Variants in CTIF observed in about 807,000 individuals in gnomAD.
CTIF encodes cap binding complex dependent translation initiation factor, also known as CBP80/20-dependent translation initiation factor.
In CTIF, 21 loss-of-function variants were observed where a neutral mutation model predicts 66.0. That is an observed-to-expected ratio of 0.32 (90% CI 0.23 to 0.46). CTIF has a LOEUF of 0.46. Among genes scored for constraint, CTIF ranks in the 20% least tolerant of loss-of-function variants. The probability of loss-of-function intolerance (pLI) is 1.00; values close to 1 mark genes in which losing one functional copy is unlikely to be tolerated. For synonymous variants in CTIF, 345 were observed against 326.4 expected (o/e 1.06, Z -0.62); for missense variants, 739 against 812.7 (o/e 0.91, Z 1.10).
rs138189349 is a variant in CTIF at position 48,666,812 on chromosome 18, G to C, written c.431+2261G>C. On this transcript the variant is annotated intron_variant, in intron 5 of 11. Coordinates refer to ENST00000256413, the MANE Select transcript of CTIF (RefSeq NM_014772.3). ...ACTCATTCAGTTGCAGGGAGGCCAT[G>C]CTCCTTCCAGACTGCTGAGCTGCAC... Among the ~76,000 whole-genome samples the C allele has an allele frequency of 2.9e-3, 442 of 152,322 alleles. 1 individual carries two copies. Among genetic ancestry groups the C allele is most frequent in the Non-Finnish European group, 4.2e-3 (284 of 68,034 alleles).
intron 2 of CTIF, among the ~76,000 whole-genome samples, chr18:48,633,025 G>C (rs1474078333): frequency 3.1e-5 from 1 of 32,202 alleles, no homozygotes; most frequent in Non-Finnish European, 1.4e-4. Context: ...TCTGATTTGT[G>C]CGTGCCCATC....
At chr18:48,654,729 G>A (rs1048878236) in intron 3 of CTIF, among the ~76,000 whole-genome samples, 30 of 152,326 alleles carry the variant, frequency 2.0e-4, no homozygotes, top group Middle Eastern at 3.4e-3. Context: ...CAACCCAAAT[G>A]TCTACCAGTG....
intron 10 of CTIF, among the ~76,000 whole-genome samples, chr18:48,828,248 A>G (rs1236156077): frequency 1.3e-5 from 2 of 152,220 alleles, no homozygotes; most frequent in East Asian, 3.8e-4. Flanking sequence ...AGAGATTTCT[A>G]AACCAATCTC....
At chr18:48,716,618 C>T (rs1455637085) in intron 7 of CTIF, among the ~76,000 whole-genome samples, 2 of 152,080 alleles carry the variant, frequency 1.3e-5, no homozygotes, top group South Asian at 2.1e-4. Flanking sequence ...GTGCTCACAG[C>T]GGCCACCACC....
chr18:48,595,581 C>T (rs1236421473), intron 1 of CTIF, among the ~76,000 whole-genome samples: 3 of 152,056 alleles, frequency 2.0e-5, no homozygotes, highest in Non-Finnish European at 4.4e-5. Context: ...TGCACACCAC[C>T]ACACTAGGCT....
At chr18:48,742,060 C>T (rs558750514) in intron 7 of CTIF, among the ~76,000 whole-genome samples, 9 of 152,286 alleles carry the variant, frequency 5.9e-5, no homozygotes, top group South Asian at 2.1e-4. Context: ...GGATGTGGTC[C>T]CTGCCTGCCT....
chr18:48,859,569 G>T lies in CTIF; in HGVS notation c.*10G>T. ...GAAACTGACAGCCTGACAGCCAGGG[G>T]GCCTGGCAGGCGGCCCACGGGCAGC... is the stretch of plus-strand genomic sequence containing the variant. On this transcript the variant is annotated 3_prime_UTR_variant, in exon 12 of 12. Coordinates refer to ENST00000256413, the MANE Select transcript of CTIF (RefSeq NM_014772.3). 2 of 1,613,098 alleles carry T rather than the reference G, an allele frequency of 1.2e-6. No individual in the cohort carries two copies. The highest frequency in any genetic ancestry group is 1.3e-5 in the African/African-American group (1 of 75,052).
chr18:48,705,879 C>T (rs1017712572), intron 6 of CTIF, among the ~76,000 whole-genome samples: 2 of 152,258 alleles, frequency 1.3e-5, no homozygotes, highest in East Asian at 3.8e-4. Flanking sequence ...TCCTATGGGC[C>T]GCCAGAGGCG....
intron 7 of CTIF, among the ~76,000 whole-genome samples, chr18:48,734,891 C>G (rs1000813976): frequency 1.3e-5 from 2 of 152,196 alleles, no homozygotes; most frequent in African/African-American, 4.8e-5. Flanking sequence ...TTAAGATATA[C>G]TGAACAATTT....
chr18:48,553,897 G>A (rs1384116465), intron 1 of CTIF, among the ~76,000 whole-genome samples: 14 of 151,762 alleles, frequency 9.2e-5, no homozygotes, highest in African/African-American at 2.7e-4. Flanking sequence ...TCCTGACCTC[G>A]TAATCTGCCT....
At chr18:48,796,394 T>C (rs1393586430) in intron 9 of CTIF, among the ~76,000 whole-genome samples, 1 of 152,062 alleles carries the variant, frequency 6.6e-6, no homozygotes, top group African/African-American at 2.4e-5. Context: ...GCCAGGATGG[T>C]CTCCATATCC....
intron 11 of CTIF, 124 bp from the exon 12 acceptor site, chr18:48,859,220 G>A: frequency 3.8e-6 from 3 of 784,392 alleles, no homozygotes; most frequent in South Asian, 3.1e-5. Flanking sequence ...CTGTGGCACA[G>A]GGGTCTGGGC....
intron 10 of CTIF, among the ~76,000 whole-genome samples, chr18:48,851,222 T>C (rs2069193382): frequency 6.6e-6 from 1 of 152,094 alleles, no homozygotes; most frequent in Non-Finnish European, 1.5e-5. Flanking sequence ...TGCGGGGAGT[T>C]TGGGCGTGCC....
At chr18:48,795,831 G>A (rs968591333) in intron 9 of CTIF, among the ~76,000 whole-genome samples, 2 of 152,174 alleles carry the variant, frequency 1.3e-5, no homozygotes, top group Admixed American at 6.5e-5. Context: ...TATAGAAAAC[G>A]GCTTTTTTTC....
intron 2 of CTIF, among the ~76,000 whole-genome samples, chr18:48,627,750 AAAAG>A (rs1305454718): frequency 1.4e-5 from 2 of 143,376 alleles, no homozygotes; most frequent in Non-Finnish European, 3.1e-5. Flanking sequence ...GAAAGAAAGA[AAAAG>A]AAAGAAGACA....
intron 3 of CTIF, among the ~76,000 whole-genome samples, chr18:48,655,995 G>A (rs749503391): frequency 5.9e-5 from 9 of 152,226 alleles, no homozygotes; most frequent in South Asian, 2.1e-4. Context: ...GACTTTGTAT[G>A]TTTTTCTATC....
At chr18:48,627,562 T>C (rs1356185178) in intron 2 of CTIF, among the ~76,000 whole-genome samples, 2 of 151,448 alleles carry the variant, frequency 1.3e-5, no homozygotes, top group Non-Finnish European at 2.9e-5. Flanking sequence ...CTACTATAAA[T>C]ACAAAAATTA....
intron 1 of CTIF, among the ~76,000 whole-genome samples, chr18:48,593,391 T>C (rs2144012145): frequency 1.3e-5 from 2 of 151,906 alleles, no homozygotes; most frequent in South Asian, 4.2e-4. Flanking sequence ...TTTTTCTTTT[T>C]TTTTTTTGAG....
At chr18:48,551,599 A>G (rs1174445057) in intron 1 of CTIF, among the ~76,000 whole-genome samples, 1 of 152,020 alleles carries the variant, frequency 6.6e-6, no homozygotes, top group Non-Finnish European at 1.5e-5. Flanking sequence ...TGTAGTTGTT[A>G]TTCTTCTCTT....
Sources: allele counts gnomAD v4.1 joint callset (sites outside exome capture counted in the v4.1 genomes callset), GRCh38; gene constraint gnomAD v4.1.1; transcripts MANE v1.5; gene names NCBI Gene and HGNC (gene_info 2026-07-23, HGNC 2026-07-21).